Variants in PCDHA3 observed in about 807,000 individuals in gnomAD.
The protein encoded by PCDHA3 is protocadherin alpha-3.
Under a neutral mutation model 62.2 loss-of-function variants are expected in PCDHA3, and 41 were observed. That is an observed-to-expected ratio of 0.66 (90% CI 0.51 to 0.86). The LOEUF is 0.86. Among genes scored for constraint, PCDHA3 ranks in the 40% least tolerant of loss-of-function variants. The pLI is 0.00. For missense variants in PCDHA3, 1,304 were observed against 1,241.2 expected, an observed-to-expected ratio of 1.05 and a Z score of -0.76; for synonymous variants, 640 against 555.4, an observed-to-expected ratio of 1.15 and a Z score of -2.14.
At chr5:140,932,471 A>G (rs1056932090) in intron 1 of PCDHA3, among the ~76,000 whole-genome samples, 11 of 152,050 alleles carry the variant, frequency 7.2e-5, no homozygotes, top group African/African-American at 1.7e-4. Flanking sequence ...TATAGGAAAT[A>G]GGATATCTCC....
chr5:140,822,199 TTA>T (rs2150114512), intron 1 of PCDHA3: 6 of 1,614,136 alleles, frequency 3.7e-6, no homozygotes, highest in Non-Finnish European at 5.1e-6. Flanking sequence ...ATTATTCATT[TTA>T]GAGTCAAGAA....
At position 140,874,324 on chromosome 5, in the gene PCDHA3, C is replaced by A. The variant is rs1369470009; in HGVS notation, c.2394+70733C>A. On this transcript the variant is annotated intron_variant, in intron 1 of 3. Transcript: ENST00000522353. Reference sequence around the variant, plus strand: ...TTCACAATGAGTTGTAGGATCTTATCTGTTTTTTTCTCTTAAAGCTGATCT... The same window carrying A: ...TTCACAATGAGTTGTAGGATCTTATATGTTTTTTTCTCTTAAAGCTGATCT... Among the ~76,000 whole-genome samples the A allele has an allele frequency of 2.6e-5, 4 of 151,652 alleles. No individual in the cohort carries two copies. In the East Asian group the frequency reaches 7.7e-4, roughly 29 times the overall value.
At position 141,009,867 on chromosome 5, in the gene PCDHA3, A is replaced by C. The variant is rs374660085; in HGVS notation, c.2783A>C (p.Lys928Thr). 4.3e-6 allele frequency: 7 copies of C among 1,613,976 alleles called. No individual in the cohort carries two copies. The African/African-American group carries it at 9.3e-5, about 22-fold the overall frequency. ...GAGGAGACCAAGAAAAAGAAGAAAA[A>C]GAAGAAGGGTAACAAGACCCAGGAG... Reference protein sequence around the residue: ...KKEETKKKKKKKKGNKTQEKK... With the variant: ...KKEETKKKKKTKKGNKTQEKK... Residue 928 changes from lysine (K) to threonine (T), a missense_variant, in exon 4 of 4, where the codon AAG becomes ACG. Coordinates refer to ENST00000522353, the MANE Select transcript of PCDHA3 (RefSeq NM_018906.3).
At chr5:140,911,410 A>G (rs1472938045) in intron 1 of PCDHA3, among the ~76,000 whole-genome samples, 1 of 152,208 alleles carries the variant, frequency 6.6e-6, no homozygotes, top group African/African-American at 2.4e-5. Context: ...AGCCACTGGT[A>G]TGATAAGAAC....
chr5:140,803,201 G>T lies in PCDHA3; in HGVS notation c.2004G>T (p.Ser668=). 6.2e-7 allele frequency: 1 copy of T among 1,613,896 alleles called. No homozygotes were observed. ...SLTATATVLV[S]LVESGQAPKA... is the part of the protein sequence containing the mutation. The stretch of plus-strand genomic sequence containing the variant: ...CCGCCACGGCCACTGTGCTGGTGTC[G>T]CTGGTGGAGAGTGGCCAGGCACCCA... Residue 668 remains serine (S), a synonymous_variant, in exon 1 of 4, where the codon TCG becomes TCT. Coordinates refer to ENST00000522353, the MANE Select transcript of PCDHA3 (RefSeq NM_018906.3).
chr5:140,893,922 G>C (rs1179113151), intron 1 of PCDHA3, among the ~76,000 whole-genome samples: 4 of 152,156 alleles, frequency 2.6e-5, no homozygotes. Context: ...GTCTTTTTCA[G>C]AATCTCTACC....
intron 1 of PCDHA3, chr5:140,967,445 C>T (rs782571799): frequency 3.1e-6 from 5 of 1,613,550 alleles, no homozygotes; most frequent in Non-Finnish European, 4.2e-6. Flanking sequence ...CCACCTGGTT[C>T]TCACAGCCGT....
In PCDHA3 at chr5:141,012,021, A is replaced by T. The variant is rs1428323351; in HGVS notation, c.*2084A>T. 6.5e-6 allele frequency: 1 copy of T among 153,734 alleles called. No individual in the cohort carries two copies. The highest frequency in any genetic ancestry group is 1.5e-5 in the Non-Finnish European group (1 of 68,044). 9.5% of individuals were successfully genotyped at this position (153,734 alleles called of 1,614,324 possible). The stretch of plus-strand genomic sequence containing the variant: ...CATATTTTGAAGGGTGTGTAACTTC[A>T]GCTCTGCAGGATTGCATGGGGTAAA... On this transcript the variant is annotated 3_prime_UTR_variant, in exon 4 of 4. Transcript: ENST00000522353.
chr5:140,828,819 A>T, intron 1 of PCDHA3: 2 of 1,614,224 alleles, frequency 1.2e-6, no homozygotes, highest in Middle Eastern at 3.3e-4. Flanking sequence ...CCCACTTTCG[A>T]ACAGTCTGAA....
intron 1 of PCDHA3, chr5:140,814,382 A>T (rs1263757403): frequency 6.6e-6 from 1 of 152,026 alleles, no homozygotes; most frequent in Non-Finnish European, 1.5e-5. Flanking sequence ...CTCCTATGAT[A>T]ACAATATCTT....
At chr5:140,832,306 A>C (rs1050909955) in intron 1 of PCDHA3, among the ~76,000 whole-genome samples, 2 of 152,188 alleles carry the variant, frequency 1.3e-5, no homozygotes, top group East Asian at 3.8e-4. Context: ...CCACATTTAA[A>C]AGTTGCTTAA....
intron 1 of PCDHA3, chr5:140,882,570 A>G (rs1562776435): frequency 6.2e-7 from 1 of 1,614,240 alleles, no homozygotes. Flanking sequence ...CGGAGCGCGG[A>G]GTGCAGCATC....
Position 140,837,615 on chromosome 5 carries a change from CCCTTCCTT to C in PCDHA3, c.2394+34037_2394+34044del, listed in dbSNP as rs528339826. On this transcript the variant is annotated intron_variant, in intron 1 of 3. Transcript: ENST00000522353. ...CCAATATATATATTTTATAATTTGCCCCTTCCTTCCTTCCTTCCTTTCTTTCTTTCTTT... is the reference window on the plus strand; with the variant it reads ...CCAATATATATATTTTATAATTTGCCCCTTCCTTCCTTTCTTTCTTTCTTT... 5.5e-5 allele frequency among the ~76,000 whole-genome samples: 8 copies of C among 145,806 alleles called. 2 individuals are homozygous for C. The highest frequency in any genetic ancestry group is 1.2e-4 in the Non-Finnish European group (8 of 66,858).
At chr5:140,876,923 C>T in intron 1 of PCDHA3, 1 of 1,613,834 alleles carries the variant, frequency 6.2e-7, no homozygotes. Flanking sequence ...GACGCGGACG[C>T]GCAGAAGAAC....
chr5:140,834,445 T>C (rs1773005004), intron 1 of PCDHA3: 2 of 1,613,974 alleles, frequency 1.2e-6, no homozygotes, highest in African/African-American at 1.3e-5. Context: ...ATTATAATTC[T>C]AGCAGCTTGG....
Position 141,000,421 on chromosome 5 carries a change from A to ATTTTTTT in PCDHA3, c.2543-9189_2543-9183dup, listed in dbSNP as rs34755515. Among the ~76,000 whole-genome samples the ATTTTTTT allele has an allele frequency of 5.7e-4, 16 of 27,980 alleles. 1 individual carries two copies. Among genetic ancestry groups the ATTTTTTT allele is most frequent in the African/African-American group, 8.9e-4 (5 of 5,638 alleles). 18.4% of individuals were successfully genotyped at this position (27,980 alleles called of 152,430 possible). ...TATATATATATATATATATATATAT[A>ATTTTTTT]TTTTTTTTTTTTTTTTTTTTTTTGA... On this transcript the variant is annotated intron_variant, in intron 3 of 3. Coordinates refer to ENST00000522353, the MANE Select transcript of PCDHA3 (RefSeq NM_018906.3).
At chr5:140,808,808 G>C in intron 1 of PCDHA3, 2 of 1,612,754 alleles carry the variant, frequency 1.2e-6, no homozygotes. Flanking sequence ...TCGCGATGCC[G>C]GCGTGCCACC....
chr5:140,902,750 A>C (rs1367370245), intron 1 of PCDHA3, among the ~76,000 whole-genome samples: 1 of 151,888 alleles, frequency 6.6e-6, no homozygotes. Flanking sequence ...AATCCATTAT[A>C]TCATTCTTAT....
At chr5:140,822,757 C>T (rs2150119240) in intron 1 of PCDHA3, 44 of 1,613,870 alleles carry the variant, frequency 2.7e-5, no homozygotes, top group Non-Finnish European at 3.6e-5. Flanking sequence ...AAGTACATTC[C>T]CATTATCAGG....
Sources: allele counts gnomAD v4.1 joint callset (sites outside exome capture counted in the v4.1 genomes callset), GRCh38; gene constraint gnomAD v4.1.1; transcripts MANE v1.5; gene names NCBI Gene and HGNC (gene_info 2026-07-23, HGNC 2026-07-21).